Variants in PRKCH observed in about 807,000 individuals in gnomAD.
PRKCH encodes the protein protein kinase C eta, also known as protein kinase C eta type.
Under a neutral mutation model 82.5 loss-of-function variants are expected in PRKCH, and 28 were observed. That is an observed-to-expected ratio of 0.34 (90% confidence interval 0.25 to 0.47). The LOEUF is 0.47. Among genes scored for constraint, PRKCH ranks in the 20% least tolerant of loss-of-function variants. The pLI is 1.00. For missense variants in PRKCH, 705 were observed against 881.8 expected, an observed-to-expected ratio of 0.80 and a Z score of 2.54; for synonymous variants, 322 against 327.4, an observed-to-expected ratio of 0.98 and a Z score of 0.18.
At chr14:61,247,735 CAAAAAAAAAA>C (rs202153655) in intron 1 of PRKCH, among the ~76,000 whole-genome samples, 8 of 52,720 alleles carry the variant, frequency 1.5e-4, no homozygotes, top group South Asian at 2.8e-3. Context: ...GACTCCATCT[CAAAAAAAAAA>C]AAAAAAAAAA....
intron 10 of PRKCH, among the ~76,000 whole-genome samples, chr14:61,501,489 G>C (rs1023285095): frequency 2.6e-5 from 4 of 151,190 alleles, no homozygotes; most frequent in Non-Finnish European, 5.9e-5. Context: ...AGTCTCGTAC[G>C]TTTCCTCATT....
intron 1 of PRKCH, among the ~76,000 whole-genome samples, chr14:61,230,117 C>T (rs1382242105): frequency 6.6e-6 from 1 of 152,148 alleles, no homozygotes; most frequent in Non-Finnish European, 1.5e-5. Flanking sequence ...ATCTTCCTCT[C>T]TCCAAAGCAA....
At chr14:61,276,360 TTC>T (rs1161860720) in intron 1 of PRKCH, among the ~76,000 whole-genome samples, 4 of 152,044 alleles carry the variant, frequency 2.6e-5, no homozygotes, top group Non-Finnish European at 5.9e-5. Context: ...TTTTTTTTTT[TTC>T]TTTTTGTTTT....
At chr14:61,409,601 A>C (rs1451022054) in intron 2 of PRKCH, among the ~76,000 whole-genome samples, 1 of 150,978 alleles carries the variant, frequency 6.6e-6, no homozygotes, top group African/African-American at 2.4e-5. Context: ...CTTGGGAGGC[A>C]AGAAGATTGC....
At position 61,429,793 on chromosome 14, in the gene PRKCH, TTAAC is replaced by T. The variant is rs569825249; in HGVS notation, c.428-13315_428-13312del. On this transcript the variant is annotated intron_variant, in intron 2 of 13. Coordinates refer to ENST00000332981, the MANE Select transcript of PRKCH (RefSeq NM_006255.5). ...TATTAAAATTTTAAAATATTAAAAT[TTAAC>T]TAGTTTCTCTTATTCAGCTAGAGAC... 2.8e-3 allele frequency among the ~76,000 whole-genome samples: 422 copies of T among 152,300 alleles called. 4 individuals are homozygous for T. Among genetic ancestry groups the T allele is most frequent in the African/African-American group, 9.8e-3 (406 of 41,576 alleles).
intron 1 of PRKCH, among the ~76,000 whole-genome samples, chr14:61,340,986 T>A (rs79613875): frequency 0.074 from 11,210 of 152,322 alleles, 457 homozygotes; most frequent in Non-Finnish European, 0.085. Context: ...CTCGTTTGTA[T>A]CATACATATG....
At chr14:61,439,724 G>A (rs1883866387) in intron 2 of PRKCH, among the ~76,000 whole-genome samples, 1 of 152,182 alleles carries the variant, frequency 6.6e-6, no homozygotes, top group Non-Finnish European at 1.5e-5. Context: ...AGGCTCTGAG[G>A]CAGGTAGGTT....
In PRKCH at chr14:61,500,910, C is replaced by T. The variant is rs1020450041; in HGVS notation, c.1433+15254C>T. Among the ~76,000 whole-genome samples the T allele has an allele frequency of 1.3e-5, 2 of 152,070 alleles. 1 individual carries two copies. The highest frequency in any genetic ancestry group is 4.8e-5 in the African/African-American group (2 of 41,376). On this transcript the variant is annotated intron_variant, in intron 10 of 13. Coordinates refer to ENST00000332981, the MANE Select transcript of PRKCH (RefSeq NM_006255.5). Reference sequence around the variant, plus strand: ...ATGGTCCATCTCAAAGTTGGAAATACCAGGATAATGTTTAAGACTGGCCAC... The same window carrying T: ...ATGGTCCATCTCAAAGTTGGAAATATCAGGATAATGTTTAAGACTGGCCAC...
At chr14:61,226,010 A>G (rs1356687031) in intron 1 of PRKCH, among the ~76,000 whole-genome samples, 8 of 152,256 alleles carry the variant, frequency 5.3e-5, no homozygotes, top group Non-Finnish European at 1.5e-5. Flanking sequence ...AAGTAAAAAT[A>G]TCAGGTCAAC....
At chr14:61,274,779 C>T (rs1021040687) in intron 1 of PRKCH, among the ~76,000 whole-genome samples, 12 of 152,044 alleles carry the variant, frequency 7.9e-5, no homozygotes, top group African/African-American at 1.9e-4. Flanking sequence ...GGCATTTAGA[C>T]GTGTTCAAGA....
chr14:61,213,936 C>T (rs1594855738), intron 1 of PRKCH, among the ~76,000 whole-genome samples: 1 of 152,312 alleles, frequency 6.6e-6, no homozygotes, highest in South Asian at 2.1e-4. Context: ...CCAGACCCTG[C>T]TCTCTGGGAA....
At chr14:61,356,079 A>G (rs543689456) in intron 1 of PRKCH, among the ~76,000 whole-genome samples, 6 of 152,228 alleles carry the variant, frequency 3.9e-5, no homozygotes, top group Non-Finnish European at 8.8e-5. Flanking sequence ...ACTGCCTGTC[A>G]GACTGACTGA....
chr14:61,389,151 G>A (rs903899505), intron 1 of PRKCH, among the ~76,000 whole-genome samples: 9 of 152,196 alleles, frequency 5.9e-5, no homozygotes, highest in African/African-American at 1.9e-4. Context: ...CAAGGCGGGC[G>A]GATTGCCTGG....
intron 9 of PRKCH, among the ~76,000 whole-genome samples, chr14:61,471,483 A>G (rs1885501427): frequency 6.6e-6 from 1 of 152,104 alleles, no homozygotes; most frequent in Admixed American, 6.5e-5. Flanking sequence ...GTTAGCCATC[A>G]TCGCCACTCA....
At chr14:61,347,630 C>G (rs1235294913) in intron 1 of PRKCH, among the ~76,000 whole-genome samples, 1 of 152,212 alleles carries the variant, frequency 6.6e-6, no homozygotes, top group African/African-American at 2.4e-5. Flanking sequence ...AGACAAGACA[C>G]TTAATGTAGG....
In PRKCH at chr14:61,393,015, C is replaced by T. The variant is rs566600863; in HGVS notation, c.427+1727C>T. Reference sequence around the variant, plus strand: ...AAAAGTCTCCCCTGGCCCCTTGAATCACCCTGGAACCTTTGTTGAAAATCA... The same window carrying T: ...AAAAGTCTCCCCTGGCCCCTTGAATTACCCTGGAACCTTTGTTGAAAATCA... On this transcript the variant is annotated intron_variant, in intron 2 of 13. Coordinates refer to ENST00000332981, the MANE Select transcript of PRKCH (RefSeq NM_006255.5). Among the ~76,000 whole-genome samples, 39 of 152,204 alleles carry T rather than the reference C, an allele frequency of 2.6e-4. 1 individual carries two copies. The highest frequency in any genetic ancestry group is 8.3e-4 in the South Asian group (4 of 4,822).
intron 1 of PRKCH, among the ~76,000 whole-genome samples, chr14:61,247,114 G>C (rs17733396): frequency 0.042 from 6,341 of 152,194 alleles, 208 homozygotes; most frequent in Middle Eastern, 0.089. Flanking sequence ...GTAAAGGCAG[G>C]AACTATGTCC....
intron 12 of PRKCH, among the ~76,000 whole-genome samples, chr14:61,532,070 C>A (rs77736892): frequency 0.038 from 5,791 of 152,270 alleles, 340 homozygotes; most frequent in African/African-American, 0.13. Context: ...TGGCCCAGCA[C>A]CTGGCTTTTT....
At chr14:61,230,974 T>C (rs1440019156) in intron 1 of PRKCH, among the ~76,000 whole-genome samples, 2 of 152,248 alleles carry the variant, frequency 1.3e-5, no homozygotes, top group Non-Finnish European at 2.9e-5. Flanking sequence ...AGTAATAGCT[T>C]TGCCTTTCCT....
Sources: allele counts gnomAD v4.1 joint callset (sites outside exome capture counted in the v4.1 genomes callset), GRCh38; gene constraint gnomAD v4.1.1; transcripts MANE v1.5; gene names NCBI Gene and HGNC (gene_info 2026-07-23, HGNC 2026-07-21).